Variants in GRIP1 observed in about 807,000 individuals in gnomAD.
The protein encoded by GRIP1 is glutamate receptor-interacting protein 1.
GRIP1 carries 45 observed loss-of-function variants against 129.9 expected under a neutral mutation model. The observed-to-expected ratio is 0.35, with a 90% CI of 0.27 to 0.44. The LOEUF (loss-of-function observed/expected upper bound fraction) is 0.44. Among genes scored for constraint, GRIP1 ranks in the 20% least tolerant of loss-of-function variants. The probability of loss-of-function intolerance (pLI) is 1.00; values close to 1 mark genes in which losing one functional copy is unlikely to be tolerated. For synonymous variants in GRIP1, 530 were observed against 520.8 expected (o/e 1.02, Z -0.24); for missense variants, 1,196 against 1,396.8 (o/e 0.86, Z 2.29).
At chr12:66,912,505 T>G (rs183298888) in intron 1 of GRIP1, among the ~76,000 whole-genome samples, 1 of 152,258 alleles carries the variant, frequency 6.6e-6, no homozygotes, top group East Asian at 1.9e-4. Context: ...AAATATTCAA[T>G]TATATTTGAT....
intron 1 of GRIP1, among the ~76,000 whole-genome samples, chr12:66,926,476 T>C (rs552826200): frequency 6.6e-6 from 1 of 152,310 alleles, no homozygotes; most frequent in African/African-American, 2.4e-5. Context: ...GAAACCTGAG[T>C]TCGAGTTCTG....
At chr12:67,049,869 A>G (rs1447356152) in intron 1 of GRIP1, among the ~76,000 whole-genome samples, 1 of 152,066 alleles carries the variant, frequency 6.6e-6, no homozygotes, top group Admixed American at 6.6e-5. Context: ...CAGTATGGTG[A>G]TAATGGATGC....
At chr12:66,903,816 A>C (rs1364131448) in intron 1 of GRIP1, among the ~76,000 whole-genome samples, 1 of 152,188 alleles carries the variant, frequency 6.6e-6, no homozygotes, top group Non-Finnish European at 1.5e-5. Context: ...GATATCACCA[A>C]AGGCATCTGC....
chr12:66,780,149 A>T lies in GRIP1; in HGVS notation c.-420+23904T>A, dbSNP rs561126835. Among the ~76,000 whole-genome samples, 11 of 152,310 alleles carry T rather than the reference A, an allele frequency of 7.2e-5. No homozygotes were observed. The South Asian group carries it at 1.9e-3, about 26-fold the overall frequency. On this transcript the variant is annotated intron_variant, in intron 1 of 4. Coordinates refer to the GRIP1 transcript ENST00000538373. ...GGTCAAAACCCTAAGGACAACACAT[A>T]CATCAAACCCGGAGATGATGTATCT... is the stretch of plus-strand genomic sequence containing the variant.
chr12:66,965,354 C>T (rs1027058781), intron 1 of GRIP1, among the ~76,000 whole-genome samples: 3 of 152,068 alleles, frequency 2.0e-5, no homozygotes, highest in Non-Finnish European at 4.4e-5. Flanking sequence ...GGTTTTAGGA[C>T]ATTTTCTAAA....
chr12:66,493,018 C>A (rs1565796834), intron 7 of GRIP1, among the ~76,000 whole-genome samples: 1 of 151,856 alleles, frequency 6.6e-6, no homozygotes, highest in African/African-American at 2.4e-5. Flanking sequence ...AACAAACAAA[C>A]AAACAAAAAA....
chr12:66,461,562 T>C (rs1012206478), intron 9 of GRIP1, among the ~76,000 whole-genome samples: 1 of 152,208 alleles, frequency 6.6e-6, no homozygotes. Flanking sequence ...TTTCTTTTCA[T>C]AACCTGCCTA....
At chr12:66,873,199 A>G (rs2040325483) in intron 1 of GRIP1, among the ~76,000 whole-genome samples, 1 of 152,084 alleles carries the variant, frequency 6.6e-6, no homozygotes, top group African/African-American at 2.4e-5. Context: ...TGACCCACCT[A>G]GGAAGCCATG....
At chr12:66,812,254 C>T (rs1414014612) in intron 1 of GRIP1, among the ~76,000 whole-genome samples, 1 of 152,190 alleles carries the variant, frequency 6.6e-6, no homozygotes, top group Non-Finnish European at 1.5e-5. Context: ...CAGCCTCAGC[C>T]TCCTGAGTAG....
chr12:66,502,846 A>G (rs1296919673), intron 7 of GRIP1, among the ~76,000 whole-genome samples: 1 of 152,016 alleles, frequency 6.6e-6, no homozygotes, highest in African/African-American at 2.4e-5. Context: ...TCTTTATAGC[A>G]ATGCAAGAAT....
intron 1 of GRIP1, among the ~76,000 whole-genome samples, chr12:66,598,053 T>C (rs981129229): frequency 8.5e-5 from 13 of 152,208 alleles, no homozygotes; most frequent in African/African-American, 2.7e-4. Flanking sequence ...CATTTTATAA[T>C]AGCAGGAAAT....
At chr12:66,421,851 T>C (rs992483892) in intron 14 of GRIP1, among the ~76,000 whole-genome samples, 33 of 152,176 alleles carry the variant, frequency 2.2e-4, no homozygotes, top group African/African-American at 7.5e-4. Context: ...AAAACAATTA[T>C]AAATGAGCCT....
chr12:66,500,096 T>C (rs1328123621), intron 7 of GRIP1, among the ~76,000 whole-genome samples: 1 of 152,116 alleles, frequency 6.6e-6, no homozygotes, highest in Non-Finnish European at 1.5e-5. Context: ...ACAACAATAA[T>C]AAAACAACAA....
chr12:66,845,015 T>A (rs1368616567), intron 1 of GRIP1, among the ~76,000 whole-genome samples: 1 of 152,114 alleles, frequency 6.6e-6, no homozygotes, highest in Non-Finnish European at 1.5e-5. Context: ...TTTTGAAAGG[T>A]GAAGTGTTCT....
At chr12:67,010,834 C>T (rs2042695987) in intron 1 of GRIP1, among the ~76,000 whole-genome samples, 1 of 152,010 alleles carries the variant, frequency 6.6e-6, no homozygotes, top group Non-Finnish European at 1.5e-5. Context: ...AGCGCAGGAA[C>T]ACCCAACTCT....
chr12:66,870,798 G>C (rs774775912), intron 1 of GRIP1, among the ~76,000 whole-genome samples: 1 of 152,050 alleles, frequency 6.6e-6, no homozygotes, highest in African/African-American at 2.4e-5. Context: ...CATGGCCTTC[G>C]TATGTTACTA....
chr12:66,884,537 T>C (rs1345404552), intron 1 of GRIP1, among the ~76,000 whole-genome samples: 1 of 152,182 alleles, frequency 6.6e-6, no homozygotes, highest in African/African-American at 2.4e-5. Context: ...AAGATATTAC[T>C]ATTCAGCAGA....
chr12:66,952,382 T>C (rs564656749), intron 1 of GRIP1, among the ~76,000 whole-genome samples: 176 of 152,346 alleles, frequency 1.2e-3, no homozygotes, highest in Non-Finnish European at 1.9e-3. Flanking sequence ...AATATAAATA[T>C]AAATAGATTA....
At chr12:66,440,488 C>T (rs2058442631) in intron 13 of GRIP1, among the ~76,000 whole-genome samples, 1 of 152,186 alleles carries the variant, frequency 6.6e-6, no homozygotes, top group Admixed American at 6.5e-5. Context: ...CCTCTGGTAA[C>T]CATCTTTCTA....
Sources: gnomAD v4.1 joint callset for allele counts (sites outside exome capture counted in the v4.1 genomes callset) on GRCh38, gnomAD v4.1.1 for gene constraint, MANE v1.5 for transcripts, NCBI Gene and HGNC (gene_info 2026-07-23, HGNC 2026-07-21) for gene names.